CUX1: variants seen among roughly 807,000 people sequenced by gnomAD.
CUX1 encodes the protein protein CASP.
Under a neutral mutation model 158.8 loss-of-function variants are expected in CUX1, and 31 were observed. That is an observed-to-expected ratio of 0.20 (90% CI 0.15 to 0.26). The LOEUF (loss-of-function observed/expected upper bound fraction) is 0.26, where lower values mean the gene tolerates loss of function less well. Among genes scored for constraint, CUX1 ranks in the 10% least tolerant of loss-of-function variants. The pLI is 1.00. For missense variants in CUX1, 1,589 were observed against 2,014.6 expected, an observed-to-expected ratio of 0.79 and a Z score of 4.04; for synonymous variants, 879 against 862.1, an observed-to-expected ratio of 1.02 and a Z score of -0.34.
intron 1 of CUX1, among the ~76,000 whole-genome samples, chr7:101,844,144 G>T (rs924565956): frequency 6.6e-6 from 1 of 152,052 alleles, no homozygotes; most frequent in Admixed American, 6.6e-5. Flanking sequence ...GGGAACCTGG[G>T]TGGGCACTGT....
At chr7:102,167,345 T>A (rs1386457029) in intron 9 of CUX1, among the ~76,000 whole-genome samples, 1 of 152,086 alleles carries the variant, frequency 6.6e-6, no homozygotes, top group Admixed American at 6.5e-5. Context: ...GCTAGATCCC[T>A]TCTTTTGTGA....
intron 2 of CUX1, among the ~76,000 whole-genome samples, chr7:102,011,592 G>A (rs1320071194): frequency 6.6e-6 from 1 of 151,828 alleles, no homozygotes; most frequent in African/African-American, 2.4e-5. Context: ...TGTTGGCCAG[G>A]CTGGTCTTGA....
intron 23 of CUX1, among the ~76,000 whole-genome samples, chr7:102,244,778 C>G (rs1230608626): frequency 6.6e-6 from 1 of 152,160 alleles, no homozygotes; most frequent in Non-Finnish European, 1.5e-5. Flanking sequence ...ACACTGCTCT[C>G]CCCTGGAAAA....
intron 2 of CUX1, among the ~76,000 whole-genome samples, chr7:101,938,081 T>C (rs1310136852): frequency 6.6e-6 from 1 of 151,994 alleles, no homozygotes; most frequent in Non-Finnish European, 1.5e-5. Flanking sequence ...TATCAGTCAG[T>C]ACAAAAGGTT....
At chr7:102,093,084 C>T (rs16869529) in intron 4 of CUX1, among the ~76,000 whole-genome samples, 12,024 of 151,270 alleles carry the variant, frequency 0.079, 662 homozygotes, top group African/African-American at 0.15. Flanking sequence ...TAGTTGGTTC[C>T]GTTGCTTAGG....
chr7:102,116,971 C>T (rs181376162), intron 8 of CUX1, among the ~76,000 whole-genome samples: 5 of 152,266 alleles, frequency 3.3e-5, no homozygotes, highest in South Asian at 2.1e-4. Flanking sequence ...GAGACTGTTA[C>T]GGCTCCATGG....
chr7:102,194,897 G>A (rs563680897), intron 13 of CUX1, among the ~76,000 whole-genome samples: 2 of 151,410 alleles, frequency 1.3e-5, no homozygotes, highest in South Asian at 4.2e-4. Flanking sequence ...GGTGGCGCAC[G>A]TCTGTAATCC....
chr7:102,186,594 TA>T (rs61654603), intron 11 of CUX1, among the ~76,000 whole-genome samples: 10,767 of 82,460 alleles, frequency 0.13, 675 homozygotes, highest in African/African-American at 0.27. Context: ...TATATATATA[TA>T]TTTTTTTTTA....
At chr7:102,199,243 A>G (rs1477111549) in intron 16 of CUX1, among the ~76,000 whole-genome samples, 1 of 152,194 alleles carries the variant, frequency 6.6e-6, no homozygotes, top group African/African-American at 2.4e-5. Context: ...GCTTCCTCGT[A>G]TTTTTAACTC....
intron 2 of CUX1, among the ~76,000 whole-genome samples, chr7:102,011,213 A>G (rs1817970658): frequency 6.6e-6 from 1 of 152,044 alleles, no homozygotes; most frequent in African/African-American, 2.4e-5. Flanking sequence ...TATTCATGCC[A>G]AGGATTTGGT....
chr7:101,970,497 A>T (rs1384435273), intron 2 of CUX1, among the ~76,000 whole-genome samples: 1 of 152,180 alleles, frequency 6.6e-6, no homozygotes, highest in Non-Finnish European at 1.5e-5. Context: ...GAGCTCGAGG[A>T]GTGGGACATG....
chr7:102,199,978 C>T (rs1185011060), intron 16 of CUX1, 93 bp from the exon 17 acceptor site: 2 of 1,049,654 alleles, frequency 1.9e-6, no homozygotes, highest in African/African-American at 3.3e-5. Context: ...CCAGCCCCCA[C>T]CCGGGGCTAT....
At chr7:101,986,574 G>A (rs1814328565) in intron 2 of CUX1, among the ~76,000 whole-genome samples, 1 of 152,192 alleles carries the variant, frequency 6.6e-6, no homozygotes, top group Non-Finnish European at 1.5e-5. Flanking sequence ...GTGTTGGTGA[G>A]TGACAGAGCC....
chr7:102,001,687 T>C (rs1376423476), intron 2 of CUX1, among the ~76,000 whole-genome samples: 1 of 152,206 alleles, frequency 6.6e-6, no homozygotes, highest in Non-Finnish European at 1.5e-5. Context: ...TTTGCACTTA[T>C]TCTTTTGCAA....
intron 11 of CUX1, among the ~76,000 whole-genome samples, chr7:102,189,055 T>C (rs1270196506): frequency 6.6e-6 from 1 of 152,038 alleles, no homozygotes; most frequent in Admixed American, 6.6e-5. Context: ...AGGTCCCTGC[T>C]CCTAAAACCC....
At chr7:101,828,936 GC>G (rs1239715429) in intron 1 of CUX1, among the ~76,000 whole-genome samples, 2 of 131,302 alleles carry the variant, frequency 1.5e-5, no homozygotes, top group Admixed American at 1.6e-4. Context: ...GAAGGGGTGT[GC>G]CCCCTTTGGG....
At chr7:101,955,950 A>G (rs539013764) in intron 2 of CUX1, among the ~76,000 whole-genome samples, 21 of 151,868 alleles carry the variant, frequency 1.4e-4, no homozygotes, top group African/African-American at 4.3e-4. Context: ...TTGGGAGGCC[A>G]AGGTGGGCGG....
chr7:102,261,133 C>A (rs1586485161), downstream of CUX1, among the ~76,000 whole-genome samples: 1 of 152,158 alleles, frequency 6.6e-6, no homozygotes, highest in African/African-American at 2.4e-5. Context: ...AGCCTGGGCC[C>A]AGCCTTAGGC....
At chr7:102,195,078 C>T (rs550882655) in intron 13 of CUX1, among the ~76,000 whole-genome samples, 1 of 151,014 alleles carries the variant, frequency 6.6e-6, no homozygotes, top group African/African-American at 2.4e-5. Flanking sequence ...GAATCTGACT[C>T]CTGATGCCCA....
Sources: allele counts gnomAD v4.1 joint callset (sites outside exome capture counted in the v4.1 genomes callset), GRCh38; gene constraint gnomAD v4.1.1; transcripts MANE v1.5; gene names NCBI Gene and HGNC (gene_info 2026-07-23, HGNC 2026-07-21).